The following DHX38 variants were observed in gnomAD, a reference collection of about 807,000 sequenced individuals.
The protein encoded by DHX38 is pre-mRNA-splicing factor ATP-dependent RNA helicase PRP16.
In DHX38, 100 loss-of-function variants were observed where a neutral mutation model predicts 153.1. The ratio of observed to expected loss-of-function variants is 0.65; its 90% CI spans 0.56 to 0.77. The LOEUF is 0.77. Ranked by LOEUF, DHX38 falls within the 30% of genes least tolerant of loss-of-function variation. The probability of loss-of-function intolerance (pLI) is 0.00; values close to 1 mark genes in which losing one functional copy is unlikely to be tolerated. For missense variants in DHX38, 1,440 were observed against 1,654.0 expected, an observed-to-expected ratio of 0.87 and a Z score of 2.24; for synonymous variants, 650 against 631.7, an observed-to-expected ratio of 1.03 and a Z score of -0.43.
rs992413038 is a variant in DHX38 at position 72,096,621 on chromosome 16, A to G, written c.323+141A>G. On this transcript the variant is annotated intron_variant, in intron 2 of 26. Transcript: ENST00000268482. ...TGATTCTGTAATACTGAAGGTAGGT[A>G]GGAATTTGTGGGGAAAAACAAAGGT... 3 of 1,482,396 alleles carry G rather than the reference A, an allele frequency of 2.0e-6. No homozygotes were observed. The African/African-American group carries it at 4.2e-5, about 21-fold the overall frequency. 91.8% of individuals were successfully genotyped at this position (1,482,396 alleles called of 1,614,324 possible).
At chr16:72,111,526 C>T (rs2042256389) in intron 26 of DHX38, among the ~76,000 whole-genome samples, 1 of 152,202 alleles carries the variant, frequency 6.6e-6, no homozygotes, top group South Asian at 2.1e-4. Context: ...CCATGGACCC[C>T]TGCAGGTTCA....
rs1263095058 is a variant in DHX38 at position 72,108,149 on chromosome 16, G to A, written c.2965-78G>A. 5 of 1,508,288 alleles carry A rather than the reference G, an allele frequency of 3.3e-6. No homozygotes were observed. In the Admixed American group the frequency reaches 9.1e-5, roughly 27 times the overall value. 93.4% of individuals were successfully genotyped at this position (1,508,288 alleles called of 1,614,324 possible). A position where few individuals can be genotyped will look rare whatever the true frequency, so the allele number is the denominator to read the frequency against. On this transcript the variant is annotated intron_variant, in intron 21 of 26. Transcript: ENST00000268482. ...AAGTTCTATGTGTGGGTAGGTGGTAGTGTTAGAACCTCTGGGATGTGCTCA... is the reference window on the plus strand; with the variant it reads ...AAGTTCTATGTGTGGGTAGGTGGTAATGTTAGAACCTCTGGGATGTGCTCA...
At position 72,107,318 on chromosome 16, in the gene DHX38, G is replaced by C; in HGVS notation, c.2601-22G>C. 1 of 1,594,502 alleles carries C rather than the reference G, an allele frequency of 6.3e-7. No individual in the cohort carries two copies. Among genetic ancestry groups the C allele is most frequent in the Non-Finnish European group, 8.5e-7 (1 of 1,174,860 alleles). On this transcript the variant is annotated intron_variant, in intron 19 of 26. Coordinates refer to ENST00000268482, the MANE Select transcript of DHX38 (RefSeq NM_014003.4). The surrounding 1 kb of genome is among the most constrained non-coding windows in gnomAD (Gnocchi z 5.3). Reference sequence around the variant, plus strand: ...CTGTGGGGTTTCCTTGTGGTGAGAAGATGGGGTCTTCTCCCCGGCAGGCTC... The same window carrying C: ...CTGTGGGGTTTCCTTGTGGTGAGAACATGGGGTCTTCTCCCCGGCAGGCTC...
intron 10 of DHX38, 34 bp from the exon 11 acceptor site, chr16:72,101,466 C>T (rs1217510978): frequency 9.1e-6 from 14 of 1,534,136 alleles, no homozygotes; most frequent in Non-Finnish European, 1.2e-5. Flanking sequence ...AGTCATGTGG[C>T]AGGATGGAGC....
At position 72,106,686 on chromosome 16, in the gene DHX38, A is replaced by G. The variant is rs537887941; in HGVS notation, c.2600+569A>G. Among the ~76,000 whole-genome samples the G allele has an allele frequency of 1.2e-4, 18 of 152,290 alleles. No homozygotes were observed. The South Asian group carries it at 3.7e-3, about 32-fold the overall frequency. On this transcript the variant is annotated intron_variant, in intron 19 of 26. Transcript: ENST00000268482. ...CTGGTATTGTGAACTCCTGGCTTCA[A>G]GCGATTCTTCTGTCTTGGCCTCCCA...
chr16:72,105,463 A>G, intron 17 of DHX38, 54 bp from the exon 18 acceptor site: 1 of 1,608,144 alleles, frequency 6.2e-7, no homozygotes, highest in Non-Finnish European at 8.5e-7. Context: ...CCCCTCGCGG[A>G]GCCTTTCCTG....
chr16:72,108,430 G>A (rs1490803399), intron 22 of DHX38, 43 bp from the exon 23 acceptor site: 3 of 1,613,618 alleles, frequency 1.9e-6, no homozygotes, highest in African/African-American at 2.7e-5. Context: ...AGGGTCGAGA[G>A]GAAAGGAGGG....
In DHX38 at chr16:72,100,470, C is replaced by A; in HGVS notation, c.1151C>A (p.Thr384Asn). ...CGCTGGGAGACAAACCGCATGCTCACCAGTGGGGTGGTCCATCGGCTGGAG... is the reference window on the plus strand; with the variant it reads ...CGCTGGGAGACAAACCGCATGCTCAACAGTGGGGTGGTCCATCGGCTGGAG... Reference protein sequence around the residue: ...NERWETNRMLTSGVVHRLEVD... With the variant: ...NERWETNRMLNSGVVHRLEVD... Residue 384 changes from threonine (T) to asparagine (N), a missense_variant, in exon 9 of 27, where the codon ACC becomes AAC. Thr to Asn is a moderately conservative substitution (Grantham distance 65, BLOSUM62 0). This residue lies in a region of DHX38 where 77 missense variants were observed against 125.4 expected (regional missense o/e 0.61). Transcript: ENST00000268482. 1 of 1,614,112 alleles carries A rather than the reference C, an allele frequency of 6.2e-7. No individual in the cohort carries two copies. The highest frequency in any genetic ancestry group is 8.5e-7 in the Non-Finnish European group (1 of 1,180,004).
At position 72,104,518 on chromosome 16, in the gene DHX38, C is replaced by T. The variant is rs372636717; in HGVS notation, c.2043C>T (p.Ile681=). Residue 681 remains isoleucine, a synonymous_variant, in exon 15 of 27, where the codon ATC becomes ATT. Transcript: ENST00000268482. This position sits in a 1 kb window ranked among gnomAD's most constrained non-coding sequence, Gnocchi z 4.5. Reference sequence around the variant, plus strand: ...CTCGGCGCTCAGACCTGAAGCTCATCGTCACATCAGCCACGATGGATGCGG... The same window carrying T: ...CTCGGCGCTCAGACCTGAAGCTCATTGTCACATCAGCCACGATGGATGCGG... ...VVARRSDLKL[I]VTSATMDAEK... The T allele has an allele frequency of 2.5e-5, 41 of 1,614,098 alleles. 1 individual carries two copies. Among genetic ancestry groups the T allele is most frequent in the South Asian group, 2.2e-4 (20 of 91,086 alleles).
chr16:72,106,705 C>T (rs556500767), intron 19 of DHX38, among the ~76,000 whole-genome samples: 6 of 152,322 alleles, frequency 3.9e-5, no homozygotes, highest in Non-Finnish European at 4.4e-5. Context: ...TCTGTCTTGG[C>T]CTCCCAAACT....
In DHX38 at chr16:72,101,210, C is replaced by T. The variant is rs117948289; in HGVS notation, c.1386+17C>T. ...CGCAAGAAGGTTGGTTTCTTGGTTT[C>T]GTGGCTGGGAAGTTTATGTGTATTT... is the stretch of plus-strand genomic sequence containing the variant. On this transcript the variant is annotated intron_variant, in intron 10 of 26. Coordinates refer to ENST00000268482, the MANE Select transcript of DHX38 (RefSeq NM_014003.4). 26,971 of 1,613,534 alleles carry T rather than the reference C, an allele frequency of 0.017. 277 individuals are homozygous for T. Among genetic ancestry groups the T allele is most frequent in the Non-Finnish European group, 0.02 (23,631 of 1,179,572 alleles).
At chr16:72,096,723 A>G (rs889516547) in intron 2 of DHX38, 99 bp from the exon 3 acceptor site, 13 of 1,503,036 alleles carry the variant, frequency 8.6e-6, no homozygotes, top group African/African-American at 1.4e-5. Context: ...AGGGAGAGAA[A>G]GTGGAAAAGG....
At position 72,112,418 on chromosome 16, in the gene DHX38, C is replaced by G. The variant is rs564071619; in HGVS notation, c.3605C>G (p.Thr1202Arg). Residue 1202 changes from threonine (T) to arginine (R), a missense_variant, in exon 27 of 27, where the codon ACG becomes AGG. Thr to Arg is a moderately conservative substitution (Grantham distance 71, BLOSUM62 -1). This residue lies in a region of DHX38 where 75 missense variants were observed against 69.5 expected (regional missense o/e 1.08). Coordinates refer to ENST00000268482, the MANE Select transcript of DHX38 (RefSeq NM_014003.4). Reference protein sequence around the residue: ...KRSPLGSVRSTKIYTPGRKEQ... With the variant: ...KRSPLGSVRSRKIYTPGRKEQ... ...CTCTCCTGCTGTGTCTCCAGGTCTA[C>G]GAAGATCTACACTCCAGGCCGGAAA... 7.5e-6 allele frequency: 12 copies of G among 1,608,820 alleles called. No homozygotes were observed. Among genetic ancestry groups the G allele is most frequent in the South Asian group, 1.1e-5 (1 of 91,070 alleles).
At chr16:72,108,693 G>T (rs2042217179) in intron 23 of DHX38, 86 bp downstream of exon 23, 13 of 1,589,390 alleles carry the variant, frequency 8.2e-6, no homozygotes, top group African/African-American at 1.3e-5. Flanking sequence ...TGGTTCTGCA[G>T]ATCTGGGCTT....
chr16:72,104,936 CA>C lies in DHX38; in HGVS notation c.2152-90del. The stretch of plus-strand genomic sequence containing the variant: ...GCCCTCAAAGTCCATGGCTCCATTC[CA>C]GAGCAGTGCCTGGGCCACTGGGCTC... On this transcript the variant is annotated intron_variant, in intron 15 of 26. Coordinates refer to ENST00000268482, the MANE Select transcript of DHX38 (RefSeq NM_014003.4). This position sits in a 1 kb window ranked among gnomAD's most constrained non-coding sequence, Gnocchi z 4.5. The C allele has an allele frequency of 7.7e-7, 1 of 1,295,934 alleles. No individual in the cohort carries two copies. Among genetic ancestry groups the C allele is most frequent in the Non-Finnish European group, 1.1e-6 (1 of 934,716 alleles). The allele number at this position is 1,295,934 out of a possible 1,614,324, so 80.3% of individuals were successfully genotyped here. A position where few individuals can be genotyped will look rare whatever the true frequency, so the allele number is the denominator to read the frequency against.
At chr16:72,109,378 T>C (rs2042227652) in intron 24 of DHX38, 37 bp from the exon 25 acceptor site, 1 of 1,605,388 alleles carries the variant, frequency 6.2e-7, no homozygotes, top group Non-Finnish European at 8.5e-7. Flanking sequence ...ACATTGGCCC[T>C]CCTGTGACCC....
Position 72,104,991 on chromosome 16 carries a change from T to A in DHX38, c.2152-36T>A. 1 of 1,601,400 alleles carries A rather than the reference T, an allele frequency of 6.2e-7. No individual in the cohort carries two copies. The highest frequency in any genetic ancestry group is 2.2e-5 in the East Asian group (1 of 44,762). On this transcript the variant is annotated intron_variant, in intron 15 of 26. Transcript: ENST00000268482. This position sits in a 1 kb window ranked among gnomAD's most constrained non-coding sequence, Gnocchi z 4.5. ...GGAGATGCCCGGCCTGCGCTTCTAG[T>A]ACCTCCCTCTGACTGTGTCCCCACT...
chr16:72,106,330 A>G (rs148194322), intron 19 of DHX38, among the ~76,000 whole-genome samples: 184 of 152,352 alleles, frequency 1.2e-3, no homozygotes, highest in African/African-American at 4.1e-3. Flanking sequence ...AGGCCAACCT[A>G]CGTGGATGTA....
At chr16:72,109,699 T>C in intron 25 of DHX38, 189 bp downstream of exon 25, 1 of 497,304 alleles carries the variant, frequency 2.0e-6, no homozygotes, top group South Asian at 3.3e-5. Flanking sequence ...GGCTGAGCCT[T>C]TAAAAACAAA....
Sources: gnomAD v4.1 joint callset for allele counts (sites outside exome capture counted in the v4.1 genomes callset) on GRCh38, gnomAD v4.1.1 for gene constraint, gnomAD v4.1.1 regional missense constraint, Gnocchi (gnomAD v3.1) non-coding constraint, MANE v1.5 for transcripts, NCBI Gene and HGNC (gene_info 2026-07-23, HGNC 2026-07-21) for gene names.